Variants in RIC8B observed in about 807,000 individuals in gnomAD.
RIC8B encodes the protein RIC8 guanine nucleotide exchange factor B.
In RIC8B, 16 loss-of-function variants were observed where a neutral mutation model predicts 57.5. The ratio of observed to expected loss-of-function variants is 0.28; its 90% confidence interval spans 0.19 to 0.42. The LOEUF (loss-of-function observed/expected upper bound fraction) is 0.42, where lower values mean the gene tolerates loss of function less well. Among genes scored for constraint, RIC8B ranks in the 10% least tolerant of loss-of-function variants. RIC8B has a pLI of 1.00. For synonymous variants in RIC8B, 216 were observed against 250.8 expected, an observed-to-expected ratio of 0.86 and a Z score of 1.31; for missense variants, 481 against 677.0, an observed-to-expected ratio of 0.71 and a Z score of 3.21.
chr12:106,825,434 A>C (rs1178224996), intron 3 of RIC8B, among the ~76,000 whole-genome samples: 1 of 152,246 alleles, frequency 6.6e-6, no homozygotes, highest in East Asian at 1.9e-4. Context: ...AGTGCACCAT[A>C]GAAAAAACGA....
intron 1 of RIC8B, among the ~76,000 whole-genome samples, chr12:106,780,251 G>A (rs1257490401): frequency 1.3e-5 from 2 of 152,078 alleles, no homozygotes; most frequent in South Asian, 2.1e-4. Context: ...CAGGCCACCT[G>A]GACATATGAC....
intron 9 of RIC8B, chr12:106,873,061 CAAAT>C: frequency 1.0e-6 from 1 of 985,408 alleles, no homozygotes; most frequent in Non-Finnish European, 1.2e-6. Flanking sequence ...AAGCTGCCAA[CAAAT>C]AAATATACAA....
intron 4 of RIC8B, among the ~76,000 whole-genome samples, chr12:106,838,706 T>A (rs1210025397): frequency 6.6e-6 from 1 of 151,966 alleles, no homozygotes; most frequent in Non-Finnish European, 1.5e-5. Flanking sequence ...AGAAAACTTC[T>A]GCACAGCAAA....
chr12:106,872,195 C>T (rs1950461804), intron 9 of RIC8B, among the ~76,000 whole-genome samples: 2 of 152,164 alleles, frequency 1.3e-5, no homozygotes, highest in Non-Finnish European at 2.9e-5. Flanking sequence ...TTGTATAGAA[C>T]AGAAATGTTC....
intron 2 of RIC8B, among the ~76,000 whole-genome samples, chr12:106,792,038 G>A (rs1196009703): frequency 1.3e-5 from 2 of 152,162 alleles, no homozygotes; most frequent in Admixed American, 1.3e-4. Context: ...TTGAGGGAAT[G>A]TTTTGTTACA....
chr12:106,812,607 T>G (rs2045385379), intron 2 of RIC8B, among the ~76,000 whole-genome samples: 1 of 152,178 alleles, frequency 6.6e-6, no homozygotes, highest in Non-Finnish European at 1.5e-5. Context: ...AGATATTTCC[T>G]TCTTGAATAA....
At chr12:106,785,709 A>G (rs2043971300) in intron 2 of RIC8B, among the ~76,000 whole-genome samples, 1 of 151,848 alleles carries the variant, frequency 6.6e-6, no homozygotes, top group South Asian at 2.1e-4. Flanking sequence ...CTTTTTCAAA[A>G]TAGCCCTGCT....
rs553360574 is a variant in RIC8B, at chr12:106,844,358, AAGTAAGAGTATCTCTG to A, written c.1161+414_1161+429del. On this transcript the variant is annotated intron_variant, in intron 6 of 9. Transcript: ENST00000392837. ...ATGACATTTGAACAGAAAGGTGGAAAAGTAAGAGTATCTCTGAGAATGATTGGAAAGGAATGTCCCT... is the reference window on the plus strand; with the variant it reads ...ATGACATTTGAACAGAAAGGTGGAAAAGAATGATTGGAAAGGAATGTCCCT... Among the ~76,000 whole-genome samples the A allele has an allele frequency of 4.3e-3, 654 of 152,330 alleles. 2 individuals carry two copies. Among genetic ancestry groups the A allele is most frequent in the African/African-American group, 0.014 (600 of 41,562 alleles).
chr12:106,779,681 A>AATT (rs748053257), intron 1 of RIC8B, among the ~76,000 whole-genome samples: 22 of 137,446 alleles, frequency 1.6e-4, no homozygotes, highest in Non-Finnish European at 2.8e-4. Flanking sequence ...ACAAAAAAAA[A>AATT]TTTTTTTTTT....
chr12:106,874,511 T>C, intron 9 of RIC8B: 1 of 1,551,382 alleles, frequency 6.4e-7, no homozygotes. Flanking sequence ...TGCACCAGGA[T>C]GGTGGTTAGC....
intron 8 of RIC8B, 48 bp from the exon 9 acceptor site, chr12:106,870,775 A>C (rs1950368788): frequency 1.4e-6 from 2 of 1,396,026 alleles, no homozygotes; most frequent in Non-Finnish European, 9.5e-7. Context: ...AAGTATAGAA[A>C]GAGCATAATT....
intron 6 of RIC8B, among the ~76,000 whole-genome samples, chr12:106,848,802 T>TC (rs561439779): frequency 0.014 from 2,067 of 152,266 alleles, 19 homozygotes; most frequent in South Asian, 0.033. Context: ...TATAAAAGCC[T>TC]GGAGGTCAGA....
At chr12:106,851,699 C>A in intron 7 of RIC8B, 105 bp downstream of exon 7, 3 of 987,294 alleles carry the variant, frequency 3.0e-6, no homozygotes, top group Non-Finnish European at 3.0e-6. Context: ...CTTTCCAAAG[C>A]TTACTGTCTG....
chr12:106,823,446 A>C (rs1160613832), intron 3 of RIC8B: 1 of 456,346 alleles, frequency 2.2e-6, no homozygotes, highest in Non-Finnish European at 4.4e-6. Flanking sequence ...AAACTGGAAA[A>C]GGTAAAAAGT....
At chr12:106,828,997 G>A (rs968422043) in intron 4 of RIC8B, among the ~76,000 whole-genome samples, 3 of 152,108 alleles carry the variant, frequency 2.0e-5, no homozygotes, top group South Asian at 4.1e-4. Context: ...TTTCTGATAC[G>A]TTGTCTTTGT....
chr12:106,824,542 A>G (rs183721950), intron 3 of RIC8B, among the ~76,000 whole-genome samples: 186 of 152,286 alleles, frequency 1.2e-3, no homozygotes, highest in African/African-American at 3.6e-3. Context: ...TGAATATAGG[A>G]TGTATGTGTA....
intron 7 of RIC8B, among the ~76,000 whole-genome samples, chr12:106,852,519 C>G (rs945678765): frequency 1.1e-4 from 17 of 152,308 alleles, no homozygotes; most frequent in African/African-American, 3.6e-4. Context: ...CTAATTTGAT[C>G]ATTATTATAA....
chr12:106,840,303 A>C (rs1410707943), intron 4 of RIC8B, among the ~76,000 whole-genome samples: 1 of 152,164 alleles, frequency 6.6e-6, no homozygotes, highest in Non-Finnish European at 1.5e-5. Context: ...AGGAGTTCTA[A>C]ATAGGTCTTG....
At chr12:106,806,591 G>A (rs2045035440) in intron 2 of RIC8B, among the ~76,000 whole-genome samples, 4 of 152,196 alleles carry the variant, frequency 2.6e-5, no homozygotes, top group Middle Eastern at 3.4e-3. Context: ...CAGCACTTTG[G>A]GAGGCTGAGG....
Sources: allele counts gnomAD v4.1 joint callset (sites outside exome capture counted in the v4.1 genomes callset), GRCh38; gene constraint gnomAD v4.1.1; transcripts MANE v1.5; gene names NCBI Gene and HGNC (gene_info 2026-07-23, HGNC 2026-07-21).